The following GOT1 variants were observed in gnomAD, a reference collection of about 807,000 sequenced individuals.
GOT1 encodes aspartate aminotransferase, cytoplasmic.
Under a neutral mutation model 48.2 loss-of-function variants are expected in GOT1, and 25 were observed. The ratio of observed to expected loss-of-function variants is 0.52; its 90% CI spans 0.38 to 0.72. GOT1 has a LOEUF of 0.72. Ranked by LOEUF, GOT1 falls within the 30% of genes least tolerant of loss-of-function variation. The probability of loss-of-function intolerance (pLI) is 0.00; values close to 1 mark genes in which losing one functional copy is unlikely to be tolerated. For missense variants in GOT1, 380 were observed against 520.1 expected (o/e 0.73, Z 2.62); for synonymous variants, 188 against 193.8 (o/e 0.97, Z 0.25).
In GOT1 at chr10:99,403,623, C is replaced by T. The variant is rs1467367416; in HGVS notation, c.805G>A (p.Gly269Arg). 1.2e-6 allele frequency: 2 copies of T among 1,613,910 alleles called. No individual in the cohort carries two copies. Among genetic ancestry groups the T allele is most frequent in the East Asian group, 2.2e-5 (1 of 44,882 alleles). The change falls in exon 7 of 9, where the codon GGG becomes AGG. Residue 269 changes from glycine to arginine, a missense_variant. Physicochemically the swap from Gly to Arg is moderately radical, Grantham distance 125. Transcript: ENST00000370508. ...KNFGLYNERV[G>R]NLTVVGKEPE... is the part of the protein sequence containing the mutation. Reference sequence around the variant, plus strand: ...TCTTTTCCAACCACAGTCAGATTCCCGACTCTCTCATCTAAAGAGAGGGAC... The same window carrying T: ...TCTTTTCCAACCACAGTCAGATTCCTGACTCTCTCATCTAAAGAGAGGGAC...
chr10:99,422,846 C>T (rs888168021), intron 1 of GOT1, among the ~76,000 whole-genome samples: 2 of 152,234 alleles, frequency 1.3e-5, no homozygotes, highest in Non-Finnish European at 2.9e-5. Context: ...TTCTTTTTTA[C>T]AGCTGCTTAG....
intron 1 of GOT1, among the ~76,000 whole-genome samples, chr10:99,422,924 G>T (rs767446706): frequency 2.6e-4 from 40 of 152,130 alleles, no homozygotes; most frequent in Non-Finnish European, 5.4e-4. Flanking sequence ...ACAATCTTTG[G>T]CTATTAAAAC....
At chr10:99,418,077 A>T (rs755835393) in intron 2 of GOT1, among the ~76,000 whole-genome samples, 49 of 150,576 alleles carry the variant, frequency 3.3e-4, no homozygotes, top group East Asian at 5.8e-4. Flanking sequence ...TATATATATA[A>T]AAAGAAGGGC....
At chr10:99,422,814 T>C (rs2032988133) in intron 1 of GOT1, among the ~76,000 whole-genome samples, 1 of 152,254 alleles carries the variant, frequency 6.6e-6, no homozygotes, top group East Asian at 1.9e-4. Context: ...CATTTTACAT[T>C]TGCGCATAGA....
chr10:99,408,289 T>G (rs928291597), intron 2 of GOT1, among the ~76,000 whole-genome samples: 2 of 152,202 alleles, frequency 1.3e-5, no homozygotes, highest in African/African-American at 4.8e-5. Flanking sequence ...TCTCTGCCTA[T>G]AGATCTTTGA....
chr10:99,420,539 G>A, intron 2 of GOT1, 85 bp downstream of exon 2: 7 of 1,022,802 alleles, frequency 6.8e-6, no homozygotes, highest in Non-Finnish European at 1.0e-5. Flanking sequence ...TAGACATAAC[G>A]CCTAATATTT....
At chr10:99,426,953 A>G (rs1472871561) in intron 1 of GOT1, among the ~76,000 whole-genome samples, 1 of 152,190 alleles carries the variant, frequency 6.6e-6, no homozygotes, top group Non-Finnish European at 1.5e-5. Context: ...CATTTTCTTC[A>G]CAAGGGGTAT....
At chr10:99,411,137 C>T (rs1036873651) in intron 2 of GOT1, among the ~76,000 whole-genome samples, 1 of 152,190 alleles carries the variant, frequency 6.6e-6, no homozygotes, top group African/African-American at 2.4e-5. Context: ...AGAAAGAAGA[C>T]AGTGGTGAAA....
intron 1 of GOT1, among the ~76,000 whole-genome samples, chr10:99,421,115 A>T (rs1452168530): frequency 2.0e-5 from 3 of 152,234 alleles, no homozygotes; most frequent in Non-Finnish European, 4.4e-5. Flanking sequence ...ATGAGAAAGT[A>T]CATAGAAAAG....
chr10:99,416,255 A>C (rs2032893462), intron 2 of GOT1, among the ~76,000 whole-genome samples: 1 of 152,222 alleles, frequency 6.6e-6, no homozygotes, highest in Non-Finnish European at 1.5e-5. Flanking sequence ...CTCAGGATAC[A>C]AAATCAATGT....
chr10:99,429,472 A>G (rs2033086375), intron 1 of GOT1, among the ~76,000 whole-genome samples: 1 of 151,558 alleles, frequency 6.6e-6, no homozygotes, highest in Non-Finnish European at 1.5e-5. Flanking sequence ...TCTTTCCACA[A>G]TTTCTAGTCC....
In GOT1 at chr10:99,430,573, G is replaced by T; in HGVS notation, c.-8C>A. ...GACTGACGGAGGTGCCATATCGAGA[G>T]ACTAGGAATCAAGAGATTTCACCCC... On this transcript the variant is annotated 5_prime_UTR_variant, in exon 1 of 9. Transcript: ENST00000370508. The T allele has an allele frequency of 1.3e-6, 2 of 1,585,064 alleles. No individual in the cohort carries two copies. Among genetic ancestry groups the T allele is most frequent in the Non-Finnish European group, 8.6e-7 (1 of 1,163,344 alleles).
intron 5 of GOT1, 139 bp downstream of exon 5, chr10:99,405,617 A>G (rs1191276473): frequency 1.7e-6 from 1 of 598,656 alleles, no homozygotes; most frequent in Non-Finnish European, 3.0e-6. Context: ...AATAAAATTT[A>G]CAGTTAATAC....
intron 7 of GOT1, 71 bp from the exon 8 acceptor site, chr10:99,402,793 A>G: frequency 7.5e-7 from 1 of 1,341,958 alleles, no homozygotes. Context: ...CACAGGTTTA[A>G]AAACTCTAAT....
chr10:99,415,250 T>C (rs1485970822), intron 2 of GOT1, among the ~76,000 whole-genome samples: 1 of 151,986 alleles, frequency 6.6e-6, no homozygotes, highest in Non-Finnish European at 1.5e-5. Context: ...TAAAAAATGA[T>C]AAAGGGGATA....
intron 2 of GOT1, among the ~76,000 whole-genome samples, chr10:99,410,623 T>C (rs1289465517): frequency 2.0e-5 from 3 of 152,204 alleles, no homozygotes; most frequent in Admixed American, 6.5e-5. Context: ...CCTAAAAATC[T>C]ATTAAATACT....
In GOT1 at chr10:99,403,551, G is replaced by T. The variant is rs751458429; in HGVS notation, c.877C>A (p.Arg293=). 4 of 1,613,966 alleles carry T rather than the reference G, an allele frequency of 2.5e-6. No individual in the cohort carries two copies. The South Asian group carries it at 3.3e-5, about 13-fold the overall frequency. Residue 293 remains arginine, a synonymous_variant, in exon 7 of 9, where the codon CGG becomes AGG. Coordinates refer to ENST00000370508, the MANE Select transcript of GOT1 (RefSeq NM_002079.3). ...QVLSQMEKIV[R]ITWSNPPAQG... is the part of the protein sequence containing the mutation. Reference sequence around the variant, plus strand: ...GCGGGGGGATTGGACCAAGTAATCCGCACGATCTTCTCCATCTGGGAAAGG... The same window carrying T: ...GCGGGGGGATTGGACCAAGTAATCCTCACGATCTTCTCCATCTGGGAAAGG...
chr10:99,424,712 G>A (rs929229403), intron 1 of GOT1, among the ~76,000 whole-genome samples: 23 of 152,126 alleles, frequency 1.5e-4, no homozygotes, highest in African/African-American at 5.6e-4. Flanking sequence ...GGGATGGTTG[G>A]AGAGGCATTG....
At chr10:99,402,401 C>A (rs954339931) in intron 8 of GOT1, among the ~76,000 whole-genome samples, 179 bp downstream of exon 8, 8 of 152,224 alleles carry the variant, frequency 5.3e-5, no homozygotes, top group Admixed American at 2.6e-4. Flanking sequence ...TCTTCTGAGA[C>A]CCAGAGAGTT....
Sources: gnomAD v4.1 joint callset for allele counts (sites outside exome capture counted in the v4.1 genomes callset) on GRCh38, gnomAD v4.1.1 for gene constraint, MANE v1.5 for transcripts, NCBI Gene and HGNC (gene_info 2026-07-23, HGNC 2026-07-21) for gene names.